The following CSTPP1 variants were observed in gnomAD, a reference collection of about 807,000 sequenced individuals.
CSTPP1 encodes the protein UPF0705 protein C11orf49.
the CSTPP1 span, among the ~76,000 whole-genome samples, chr11:47,112,248 CT>C: frequency 3.3e-5 from 5 of 152,186 alleles, no homozygotes; most frequent in African/African-American, 9.6e-5. Flanking sequence ...GCTGTATTCT[CT>C]TTTTTTCCAT....
At chr11:47,156,947 A>C in the CSTPP1 span, 1 of 1,473,074 alleles carries the variant, frequency 6.8e-7, no homozygotes, top group Non-Finnish European at 9.3e-7. Flanking sequence ...AGAGAAGGGA[A>C]GACATAGTGA....
At chr11:46,960,795 T>C in the CSTPP1 span, among the ~76,000 whole-genome samples, 1 of 151,860 alleles carries the variant, frequency 6.6e-6, no homozygotes, top group Non-Finnish European at 1.5e-5. Context: ...GAGGTTGCAG[T>C]GAGCCAAGAT....
At chr11:46,939,379 G>A in the CSTPP1 span, among the ~76,000 whole-genome samples, 2 of 151,868 alleles carry the variant, frequency 1.3e-5, no homozygotes, top group East Asian at 1.9e-4. Context: ...GTGAGCCACC[G>A]CGCCCAGCCA....
At chr11:46,973,377 A>G in the CSTPP1 span, among the ~76,000 whole-genome samples, 1 of 152,196 alleles carries the variant, frequency 6.6e-6, no homozygotes, top group Non-Finnish European at 1.5e-5. Context: ...TTGTCTGCAT[A>G]CAACAGAGAA....
chr11:46,955,251 C>G, the CSTPP1 span, among the ~76,000 whole-genome samples: 3 of 152,066 alleles, frequency 2.0e-5, no homozygotes, highest in African/African-American at 7.2e-5. Context: ...CTCCTGACCC[C>G]ACTTTCTACA....
chr11:46,998,342 T>C, the CSTPP1 span, among the ~76,000 whole-genome samples: 90 of 152,350 alleles, frequency 5.9e-4, no homozygotes, highest in African/African-American at 2.0e-3. Context: ...TGTAGGCAGC[T>C]TTTATCTACC....
chr11:47,090,025 A>G, the CSTPP1 span, among the ~76,000 whole-genome samples: 1 of 152,284 alleles, frequency 6.6e-6, no homozygotes, highest in East Asian at 1.9e-4. Flanking sequence ...TTTGTTGCCT[A>G]AGCTGGAGTG....
At chr11:47,074,190 T>TCAA in the CSTPP1 span, among the ~76,000 whole-genome samples, 13 of 149,264 alleles carry the variant, frequency 8.7e-5, no homozygotes, top group East Asian at 2.6e-3. Flanking sequence ...GGCAACAGTC[T>TCAA]CAACAACAAC....
At chr11:46,985,153 T>C in the CSTPP1 span, among the ~76,000 whole-genome samples, 2 of 152,024 alleles carry the variant, frequency 1.3e-5, no homozygotes, top group African/African-American at 4.8e-5. Context: ...TGGGAAGCAC[T>C]CATTTAGATA....
the CSTPP1 span, among the ~76,000 whole-genome samples, chr11:46,964,347 G>C: frequency 6.6e-6 from 1 of 150,850 alleles, no homozygotes; most frequent in Non-Finnish European, 1.5e-5. Flanking sequence ...GTGCAGTGAC[G>C]CGATTTCGGC....
At chr11:47,037,562 C>G in the CSTPP1 span, among the ~76,000 whole-genome samples, 1 of 116,790 alleles carries the variant, frequency 8.6e-6, no homozygotes. Context: ...TCCCTGGGTA[C>G]TTGAGATTAG....
the CSTPP1 span, among the ~76,000 whole-genome samples, chr11:47,131,570 T>C: frequency 1.3e-5 from 2 of 152,344 alleles, no homozygotes; most frequent in South Asian, 4.1e-4. Flanking sequence ...AAGAATATTT[T>C]GAGTCAGGGC....
the CSTPP1 span, chr11:47,157,920 T>C: frequency 2.5e-6 from 4 of 1,612,730 alleles, no homozygotes; most frequent in Middle Eastern, 1.6e-4. Context: ...AACCAAGCCC[T>C]CGGTAAGTCA....
the CSTPP1 span, among the ~76,000 whole-genome samples, chr11:47,135,335 T>C: frequency 1.3e-5 from 2 of 152,118 alleles, no homozygotes; most frequent in African/African-American, 4.8e-5. Context: ...ATTTTACAGA[T>C]GAGAAACTGA....
the CSTPP1 span, among the ~76,000 whole-genome samples, chr11:47,060,110 A>AC: frequency 2.1e-5 from 1 of 47,152 alleles, no homozygotes. Context: ...TCTCGAAAAA[A>AC]AAAAAAAAGA....
At chr11:46,990,139 T>C in the CSTPP1 span, among the ~76,000 whole-genome samples, 1 of 152,164 alleles carries the variant, frequency 6.6e-6, no homozygotes, top group African/African-American at 2.4e-5. Flanking sequence ...GTATTTTCCT[T>C]TGGCATACCC....
At chr11:46,998,352 C>T in the CSTPP1 span, among the ~76,000 whole-genome samples, 3 of 152,102 alleles carry the variant, frequency 2.0e-5, no homozygotes, top group Admixed American at 6.6e-5. Context: ...TTTTATCTAC[C>T]AACACACTGT....
the CSTPP1 span, among the ~76,000 whole-genome samples, chr11:47,106,768 A>T: frequency 6.6e-6 from 1 of 152,146 alleles, no homozygotes; most frequent in Non-Finnish European, 1.5e-5. Context: ...AAGCCCACCC[A>T]TGCAGGAGCC....
At chr11:47,070,258 G>C in the CSTPP1 span, among the ~76,000 whole-genome samples, 2 of 152,062 alleles carry the variant, frequency 1.3e-5, no homozygotes, top group African/African-American at 4.8e-5. Flanking sequence ...TGGATGGATG[G>C]AGAGAGGGGG....
Sources: gnomAD v4.1 joint callset for allele counts (sites outside exome capture counted in the v4.1 genomes callset) on GRCh38, gnomAD v4.1.1 for gene constraint, MANE v1.5 for transcripts, NCBI Gene and HGNC (gene_info 2026-07-23, HGNC 2026-07-21) for gene names.